CCPG1: variants seen among roughly 807,000 people sequenced by gnomAD.
CCPG1 encodes cell cycle progression protein 1.
Under a neutral mutation model 81.3 loss-of-function variants are expected in CCPG1, and 46 were observed. The ratio of observed to expected loss-of-function variants is 0.57; its 90% CI spans 0.45 to 0.72. CCPG1 has a LOEUF of 0.72. CCPG1 is among the 30% of genes least tolerant of loss of function. CCPG1 has a pLI of 0.00. For missense variants in CCPG1, 902 were observed against 937.6 expected (o/e 0.96, Z 0.50); for synonymous variants, 330 against 305.2 (o/e 1.08, Z -0.85).
chr15:55,407,230 A>C (rs1431030455), intron 1 of CCPG1, among the ~76,000 whole-genome samples: 3 of 104,500 alleles, frequency 2.9e-5, no homozygotes, highest in African/African-American at 2.1e-4. Flanking sequence ...CCCTCTCTCA[A>C]AAAAAAAAAA....
chr15:55,365,699 C>T (rs184599050), intron 6 of CCPG1, among the ~76,000 whole-genome samples: 6 of 152,026 alleles, frequency 3.9e-5, no homozygotes, highest in Admixed American at 3.9e-4. Context: ...ATGTGTGAGC[C>T]ACTGTGCCTG....
intron 2 of CCPG1, among the ~76,000 whole-genome samples, chr15:55,388,064 T>G (rs2056838765): frequency 6.6e-6 from 1 of 151,754 alleles, no homozygotes; most frequent in South Asian, 2.1e-4. Flanking sequence ...GGCAGGAGAA[T>G]GGCTTGAACC....
intron 5 of CCPG1, chr15:55,374,293 T>A (rs1344388890): frequency 2.0e-6 from 2 of 1,006,988 alleles, no homozygotes; most frequent in Non-Finnish European, 2.7e-6. Flanking sequence ...AAAGCTATAT[T>A]ATAAAGACTA....
intron 3 of CCPG1, among the ~76,000 whole-genome samples, chr15:55,383,260 T>C (rs988369260): frequency 6.6e-6 from 1 of 152,206 alleles, no homozygotes; most frequent in Non-Finnish European, 1.5e-5. Context: ...GAAAGGAATC[T>C]TTTTGTTCTG....
At chr15:55,378,688 C>G (rs1472178780) in intron 3 of CCPG1, among the ~76,000 whole-genome samples, 1 of 151,642 alleles carries the variant, frequency 6.6e-6, no homozygotes, top group East Asian at 1.9e-4. Flanking sequence ...GCTGCAACCT[C>G]TGCCTCCTGG....
intron 2 of CCPG1, among the ~76,000 whole-genome samples, chr15:55,387,787 G>A (rs1031011239): frequency 6.9e-6 from 1 of 144,946 alleles, no homozygotes; most frequent in African/African-American, 2.5e-5. Context: ...TCAGTGATCT[G>A]CCCCGACCTC....
chr15:55,374,779 C>T lies in CCPG1; in HGVS notation c.454+2170G>A, dbSNP rs796751230. 1.5e-4 allele frequency among the ~76,000 whole-genome samples: 23 copies of T among 152,150 alleles called. 1 individual carries two copies. The highest frequency in any genetic ancestry group is 7.2e-4 in the Admixed American group (11 of 15,268). On this transcript the variant is annotated intron_variant, in intron 5 of 8. Transcript: ENST00000442196. The stretch of plus-strand genomic sequence containing the variant: ...CAGAGTAGCTGGGATTACAGGCCTG[C>T]GCTACCACAGGCAGCTAATCCCAAG...
chr15:55,380,288 G>GTTTTTTTTTT (rs57160266), intron 3 of CCPG1, among the ~76,000 whole-genome samples: 1 of 142,264 alleles, frequency 7.0e-6, no homozygotes, highest in African/African-American at 2.6e-5. Context: ...ATTTCTTTTT[G>GTTTTTTTTTT]TTTTTTTTTT....
intron 1 of CCPG1, among the ~76,000 whole-genome samples, chr15:55,407,010 C>T (rs1018880548): frequency 1.3e-5 from 2 of 150,268 alleles, no homozygotes; most frequent in African/African-American, 4.9e-5. Context: ...GTCAGGAGTC[C>T]AAGACCAGCC....
chr15:55,406,436 C>CTT (rs143238270), intron 1 of CCPG1, among the ~76,000 whole-genome samples: 305 of 126,228 alleles, frequency 2.4e-3, no homozygotes, highest in Middle Eastern at 9.3e-3. Flanking sequence ...TTCTTTTTCT[C>CTT]TTTTTTTTTT....
intron 6 of CCPG1, among the ~76,000 whole-genome samples, chr15:55,370,152 G>T (rs2056417312): frequency 6.6e-6 from 1 of 152,136 alleles, no homozygotes; most frequent in South Asian, 2.1e-4. Flanking sequence ...CATCTTGCAA[G>T]CTCTGACTTT....
Position 55,355,262 on chromosome 15 carries a change from A to C in CCPG1, c.*958T>G, listed in dbSNP as rs1046019122. On this transcript the variant is annotated 3_prime_UTR_variant, in exon 9 of 9. Coordinates refer to ENST00000442196, the MANE Select transcript of CCPG1 (RefSeq NM_001204450.2). ...ACTCAGCAAAATGTAGCCTTTATTT[A>C]CTTAAACATTTATTTGCTTCTAGGA... 1 of 1,576,342 alleles carries C rather than the reference A, an allele frequency of 6.3e-7. No homozygotes were observed. Among genetic ancestry groups the C allele is most frequent in the Non-Finnish European group, 8.7e-7 (1 of 1,153,424 alleles).
At chr15:55,374,011 T>A (rs2056506728) in intron 5 of CCPG1, 1 of 329,162 alleles carries the variant, frequency 3.0e-6, no homozygotes. Flanking sequence ...TGCAATAAGC[T>A]TGGCCAGCTC....
chr15:55,405,423 G>C (rs1485432275), intron 1 of CCPG1, among the ~76,000 whole-genome samples: 2 of 152,108 alleles, frequency 1.3e-5, no homozygotes, highest in African/African-American at 4.8e-5. Context: ...CTACTGGGAG[G>C]CTGAGGCAGG....
intron 3 of CCPG1, among the ~76,000 whole-genome samples, chr15:55,378,955 C>T (rs1566974502): frequency 1.3e-5 from 2 of 151,956 alleles, no homozygotes; most frequent in Admixed American, 6.6e-5. Context: ...CTCTACCTTA[C>T]ATTACCAAAT....
chr15:55,389,432 G>T lies in CCPG1; in HGVS notation c.-8C>A, dbSNP rs1442209126. ...ACTGGAATTTTCAGACATCTTTCAG[G>T]TCTACAAATACAAAAACATATTGAC... is the stretch of plus-strand genomic sequence containing the variant. On this transcript the variant is annotated splice_region_variant and 5_prime_UTR_variant, in exon 2 of 9. Coordinates refer to ENST00000442196, the MANE Select transcript of CCPG1 (RefSeq NM_001204450.2). The T allele has an allele frequency of 6.2e-7, 1 of 1,605,748 alleles. No homozygotes were observed. The highest frequency in any genetic ancestry group is 8.5e-7 in the Non-Finnish European group (1 of 1,172,638).
chr15:55,389,543 AC>A (rs2056873204), intron 1 of CCPG1, 110 bp from the exon 2 acceptor site: 1 of 737,660 alleles, frequency 1.4e-6, no homozygotes, highest in South Asian at 1.5e-5. Context: ...TCCAGGTGAA[AC>A]AGAGACAAGC....
chr15:55,390,218 G>C (rs551868354), intron 1 of CCPG1, among the ~76,000 whole-genome samples: 1 of 152,104 alleles, frequency 6.6e-6, no homozygotes, highest in South Asian at 2.1e-4. Flanking sequence ...CACTGCGCCC[G>C]GCAATCAAAC....
chr15:55,360,453 G>C lies in CCPG1; in HGVS notation c.1320C>G (p.Phe440Leu), dbSNP rs751877374. Residue 440 changes from phenylalanine to leucine, a missense_variant, in exon 8 of 9, where the codon TTC becomes TTG. Around this residue, in one of 3 missense-constraint regions of CCPG1, gnomAD observed 746 missense variants for 728.6 expected, o/e 1.02. Transcript: ENST00000442196. ...CCCACAAATCAGAACGCTGCTGTTC[G>C]AAGGTTAGCTTCCGTTCCAGCTCAG... Reference protein sequence around the residue: ...RLTELERKLTFEQQRSDLWER... With the variant: ...RLTELERKLTLEQQRSDLWER... The C allele has an allele frequency of 6.2e-7, 1 of 1,613,946 alleles. No individual in the cohort carries two copies. The highest frequency in any genetic ancestry group is 2.2e-5 in the East Asian group (1 of 44,876).
Sources: gnomAD v4.1 joint callset for allele counts (sites outside exome capture counted in the v4.1 genomes callset) on GRCh38, gnomAD v4.1.1 for gene constraint, gnomAD v4.1.1 regional missense constraint, MANE v1.5 for transcripts, NCBI Gene and HGNC (gene_info 2026-07-23, HGNC 2026-07-21) for gene names.